NAV3: variants seen among roughly 807,000 people sequenced by gnomAD.
The protein encoded by NAV3 is neuron navigator 3.
NAV3 carries 87 observed loss-of-function variants against 244.7 expected under a neutral mutation model. That is an observed-to-expected ratio of 0.36 (90% CI 0.30 to 0.42). The LOEUF (loss-of-function observed/expected upper bound fraction) is 0.42. Among genes scored for constraint, NAV3 ranks in the 20% least tolerant of loss-of-function variants. The pLI is 1.00. For synonymous variants in NAV3, 1,126 were observed against 1,042.2 expected (o/e 1.08, Z -1.55); for missense variants, 2,663 against 2,893.3 (o/e 0.92, Z 1.83).
chr12:78,053,479 C>A (rs573819742), intron 11 of NAV3, among the ~76,000 whole-genome samples: 1 of 152,062 alleles, frequency 6.6e-6, no homozygotes, highest in South Asian at 2.1e-4. Context: ...TTAAAGACAC[C>A]TTATTTAATA....
chr12:77,762,070 C>T (rs1165981508), intron 2 of NAV3, among the ~76,000 whole-genome samples: 1 of 152,164 alleles, frequency 6.6e-6, no homozygotes, highest in African/African-American at 2.4e-5. Context: ...AAATGTGGCC[C>T]ATGTACACCA....
intron 2 of NAV3, among the ~76,000 whole-genome samples, chr12:77,682,840 T>C (rs1053924641): frequency 2.6e-5 from 4 of 152,198 alleles, no homozygotes; most frequent in Admixed American, 1.3e-4. Context: ...TCACACATTT[T>C]TTTAATTGTA....
chr12:77,940,175 A>G (rs1019973723), intron 1 of NAV3, 144 bp from the exon 2 acceptor site: 1 of 635,868 alleles, frequency 1.6e-6, no homozygotes. Context: ...ATTACTTTAC[A>G]ACTATTTCCT....
At chr12:78,138,848 G>A (rs150541465) in intron 19 of NAV3, among the ~76,000 whole-genome samples, 202 of 152,218 alleles carry the variant, frequency 1.3e-3, no homozygotes, top group African/African-American at 2.2e-3. Flanking sequence ...TTGTGCTCAC[G>A]CATTGAATAC....
chr12:78,110,191 A>T (rs1050509391), intron 12 of NAV3, among the ~76,000 whole-genome samples: 1 of 152,092 alleles, frequency 6.6e-6, no homozygotes, highest in East Asian at 1.9e-4. Context: ...GATCCCATTT[A>T]AATTAGCTAC....
intron 2 of NAV3, among the ~76,000 whole-genome samples, chr12:77,825,354 A>T (rs1872932919): frequency 6.6e-6 from 1 of 152,222 alleles, no homozygotes; most frequent in South Asian, 2.1e-4. Context: ...AACAGAATTG[A>T]TAATAGAACA....
At chr12:77,666,175 T>C (rs1873705888) in intron 2 of NAV3, among the ~76,000 whole-genome samples, 1 of 148,640 alleles carries the variant, frequency 6.7e-6, no homozygotes, top group African/African-American at 2.5e-5. Flanking sequence ...GCAACATGTT[T>C]ACAGTTTTTT....
At chr12:77,630,577 C>T (rs1404351186) in intron 2 of NAV3, among the ~76,000 whole-genome samples, 2 of 152,054 alleles carry the variant, frequency 1.3e-5, no homozygotes, top group East Asian at 1.9e-4. Flanking sequence ...GTACCTTGCC[C>T]GTACATGTCT....
chr12:78,026,072 T>C (rs2136890772), intron 9 of NAV3, among the ~76,000 whole-genome samples: 1 of 152,348 alleles, frequency 6.6e-6, no homozygotes, highest in South Asian at 2.1e-4. Context: ...TTTCTAGTTA[T>C]ACTTTTTTTC....
chr12:78,116,732 C>A (rs1369655643), intron 12 of NAV3, 40 bp from the exon 13 acceptor site: 6 of 1,494,888 alleles, frequency 4.0e-6, no homozygotes, highest in Non-Finnish European at 5.4e-6. Context: ...CATTGTGCAT[C>A]CTGTGTTTGA....
Position 78,003,528 on chromosome 12 carries a change from G to A in NAV3, c.881-2891G>A, listed in dbSNP as rs78043802. Among the ~76,000 whole-genome samples, 1,031 of 152,278 alleles carry A rather than the reference G, an allele frequency of 6.8e-3. 40 individuals are homozygous for A. The highest frequency in any genetic ancestry group is 0.048 in the Admixed American group (739 of 15,296). ...CCTAGTTTACTTTTGTCAAAGCAAC[G>A]CACTATTCAGTGAGGAAAAAGAGAT... On this transcript the variant is annotated intron_variant, in intron 7 of 39. Transcript: ENST00000397909.
At chr12:78,142,375 ACACTAT>A (rs1956653286) in intron 20 of NAV3, among the ~76,000 whole-genome samples, 1 of 152,084 alleles carries the variant, frequency 6.6e-6, no homozygotes, top group Admixed American at 6.6e-5. Context: ...TTCTGTATCT[ACACTAT>A]CTAATATAGT....
At chr12:77,997,650 T>A (rs1457060679) in intron 6 of NAV3, among the ~76,000 whole-genome samples, 1 of 152,262 alleles carries the variant, frequency 6.6e-6, no homozygotes, top group Non-Finnish European at 1.5e-5. Context: ...TCCTTTCTTG[T>A]CACGTCTCCT....
intron 1 of NAV3, among the ~76,000 whole-genome samples, chr12:77,854,587 A>ATGTGTGTATGTGTG (rs573940741): frequency 1.4e-4 from 18 of 128,490 alleles, no homozygotes; most frequent in African/African-American, 4.0e-4. Context: ...GTATGTGTGT[A>ATGTGTGTATGTGTG]TGTGTGTGTG....
intron 12 of NAV3, among the ~76,000 whole-genome samples, 178 bp downstream of exon 12, chr12:78,059,293 T>C (rs938568637): frequency 2.0e-5 from 3 of 152,060 alleles, no homozygotes; most frequent in Admixed American, 2.0e-4. Flanking sequence ...TTGTTTTCGT[T>C]TTTTTTGTGT....
intron 2 of NAV3, among the ~76,000 whole-genome samples, chr12:77,697,684 A>G (rs1194057490): frequency 6.6e-6 from 1 of 152,158 alleles, no homozygotes; most frequent in East Asian, 1.9e-4. Context: ...CAGATTGTAT[A>G]ACAAACACCC....
chr12:78,037,302 C>T (rs779683396), intron 9 of NAV3: 2 of 702,874 alleles, frequency 2.8e-6, no homozygotes, highest in East Asian at 2.7e-5. Flanking sequence ...AAGCTGTTTG[C>T]GGGAAGGGAC....
rs1555202961 is a variant in NAV3, at chr12:77,766,735, G to GTTTGTTTGTTTTTTTTTT, written c.73-173581_73-173580insGTTTGTTTTTTTTTTTTT. 3.3e-4 allele frequency among the ~76,000 whole-genome samples: 20 copies of GTTTGTTTGTTTTTTTTTT among 60,516 alleles called. 1 individual carries two copies. Among genetic ancestry groups the GTTTGTTTGTTTTTTTTTT allele is most frequent in the South Asian group, 8.3e-4 (1 of 1,208 alleles). The allele number at this position is 60,516 out of a possible 152,430, so 39.7% of individuals were successfully genotyped here. On this transcript the variant is annotated intron_variant, in intron 2 of 8. Coordinates refer to the NAV3 transcript ENST00000550042. ...AGGATTCTAAAAAACAGGCAATTAA[G>GTTTGTTTGTTTTTTTTTT]TTTTTTTTTTTTTTTTTTTTTTTTT... is the stretch of plus-strand genomic sequence containing the variant.
rs1432182162 is a variant in NAV3 at position 77,849,037 on chromosome 12, C to T, written c.243+17333C>T. Among the ~76,000 whole-genome samples the T allele has an allele frequency of 6.6e-5, 10 of 152,052 alleles. No individual in the cohort carries two copies. The East Asian group carries it at 1.9e-3, about 29-fold the overall frequency. ...GTTTTCTTTTATTTTGGTGGCTAAT[C>T]CTTCATAGACATTGTTGGCAAACTA... On this transcript the variant is annotated intron_variant, in intron 1 of 39. Transcript: ENST00000397909.
Sources: gnomAD v4.1 joint callset for allele counts (sites outside exome capture counted in the v4.1 genomes callset) on GRCh38, gnomAD v4.1.1 for gene constraint, MANE v1.5 for transcripts, NCBI Gene and HGNC (gene_info 2026-07-23, HGNC 2026-07-21) for gene names.